IGF2R: variants seen among roughly 807,000 people sequenced by gnomAD.
IGF2R encodes the protein cation-independent mannose-6-phosphate receptor.
In IGF2R, 91 loss-of-function variants were observed where a neutral mutation model predicts 270.6. That is an observed-to-expected ratio of 0.34 (90% CI 0.28 to 0.40). IGF2R has a LOEUF of 0.40. Ranked by LOEUF, IGF2R falls within the 10% of genes least tolerant of loss-of-function variation. IGF2R has a pLI of 1.00. For synonymous variants in IGF2R, 1,316 were observed against 1,258.9 expected, an observed-to-expected ratio of 1.05 and a Z score of -0.96; for missense variants, 2,805 against 3,188.3, an observed-to-expected ratio of 0.88 and a Z score of 2.90.
intron 1 of IGF2R, among the ~76,000 whole-genome samples, chr6:159,970,875 G>A (rs1310266263): frequency 5.9e-5 from 9 of 152,064 alleles, no homozygotes; most frequent in Admixed American, 2.0e-4. Flanking sequence ...TCCAGGAGTT[G>A]GAGGCCAGCT....
In IGF2R at chr6:160,105,285, A is replaced by G. The variant is rs768448118; in HGVS notation, c.*201A>G. 10 of 561,740 alleles carry G rather than the reference A, an allele frequency of 1.8e-5. No homozygotes were observed. The highest frequency in any genetic ancestry group is 3.4e-5 in the Admixed American group (1 of 29,516). 34.8% of individuals were successfully genotyped at this position (561,740 alleles called of 1,614,324 possible). A position where few individuals can be genotyped will look rare whatever the true frequency, so the allele number is the denominator to read the frequency against. On this transcript the variant is annotated 3_prime_UTR_variant, in exon 48 of 48. Coordinates refer to ENST00000356956, the MANE Select transcript of IGF2R (RefSeq NM_000876.4). ...TTGTTTACAGTCATTGGAATAAGGCATGGCTCAGATCGGCCACAGGGCGGT... is the reference window on the plus strand; with the variant it reads ...TTGTTTACAGTCATTGGAATAAGGCGTGGCTCAGATCGGCCACAGGGCGGT...
chr6:160,070,001 A>G lies in IGF2R; in HGVS notation c.4386A>G (p.Pro1462=). The part of the protein sequence containing the change: ...VLKYVDGDLC[P]DGIRKKSTTI... ...AATACGTTGATGGCGACTTATGTCC[A>G]GATGGGATTCGGAAAAAGTCAACCA... The change falls in exon 31 of 48, where the codon CCA becomes CCG. Residue 1462 remains proline, a synonymous_variant. Transcript: ENST00000356956. 6.2e-7 allele frequency: 1 copy of G among 1,614,256 alleles called. No individual in the cohort carries two copies. Among genetic ancestry groups the G allele is most frequent in the Non-Finnish European group, 8.5e-7 (1 of 1,180,040 alleles).
rs570851896 is a variant in IGF2R at position 160,001,116 on chromosome 6, G to A, written c.290-7894G>A. Among the ~76,000 whole-genome samples, 308 of 152,266 alleles carry A rather than the reference G, an allele frequency of 2.0e-3. 2 individuals carry two copies. Among genetic ancestry groups the A allele is most frequent in the African/African-American group, 7.1e-3 (295 of 41,540 alleles). On this transcript the variant is annotated intron_variant, in intron 2 of 47. Coordinates refer to ENST00000356956, the MANE Select transcript of IGF2R (RefSeq NM_000876.4). The stretch of plus-strand genomic sequence containing the variant: ...ACTGGTAGCGGTTTGTAGCCTGTTA[G>A]GAGCTGGGCTGCACAGCAGGAGGTG...
At position 160,010,782 on chromosome 6, in the gene IGF2R, G is replaced by A. The variant is rs192321431; in HGVS notation, c.510G>A (p.Lys170=). Residue 170 remains lysine (K), a synonymous_variant, in exon 4 of 48, where the codon AAG becomes AAA. Transcript: ENST00000356956. ...ACKKDIFKAN[K]EVPCYVFDEE... The stretch of plus-strand genomic sequence containing the variant: ...AGAAAGACATATTTAAAGCAAATAA[G>A]GAGGTAACATGGGAACTTCAAATTA... 3.1e-5 allele frequency: 49 copies of A among 1,582,358 alleles called. No homozygotes were observed. In the East Asian group the frequency reaches 1.1e-3, roughly 35 times the overall value.
chr6:159,999,130 G>A (rs1784092238), intron 2 of IGF2R, among the ~76,000 whole-genome samples: 1 of 152,192 alleles, frequency 6.6e-6, no homozygotes, highest in Non-Finnish European at 1.5e-5. Context: ...AAGAAGTCAC[G>A]AGATGGGATG....
intron 35 of IGF2R, among the ~76,000 whole-genome samples, chr6:160,074,498 G>T (rs1184496138): frequency 6.6e-6 from 1 of 152,202 alleles, no homozygotes; most frequent in African/African-American, 2.4e-5. Flanking sequence ...ACCCAGCCAG[G>T]CTGGCCTCAG....
At chr6:160,064,356 T>C (rs1483501365) in intron 27 of IGF2R, 45 bp from the exon 28 acceptor site, 2 of 1,613,590 alleles carry the variant, frequency 1.2e-6, no homozygotes, top group South Asian at 2.2e-5. Flanking sequence ...TTTGACAGCC[T>C]AGGGACCCGA....
chr6:160,110,459 G>A lies in IGF2R; in HGVS notation c.*5375G>A, dbSNP rs542491536. 2.6e-5 allele frequency: 4 copies of A among 152,344 alleles called. No homozygotes were observed. The highest frequency in any genetic ancestry group is 2.1e-4 in the South Asian group (1 of 4,830). The allele number at this position is 152,344 out of a possible 1,614,324, so 9.4% of individuals were successfully genotyped here. ...TGTGGGTGAGGATGTGGAGAAAAGC[G>A]AACACTTGTCCACCTTTGGTGAGAA... On this transcript the variant is annotated 3_prime_UTR_variant, in exon 48 of 48. Transcript: ENST00000356956.
chr6:160,053,096 C>T (rs562451711), intron 19 of IGF2R, among the ~76,000 whole-genome samples: 5 of 152,296 alleles, frequency 3.3e-5, no homozygotes, highest in Non-Finnish European at 7.3e-5. Flanking sequence ...TCTAATTAAA[C>T]TAAAGACCTT....
At chr6:160,044,384 T>C (rs915039297) in intron 12 of IGF2R, 130 bp from the exon 13 acceptor site, 9 of 830,970 alleles carry the variant, frequency 1.1e-5, no homozygotes, top group African/African-American at 1.0e-4. Context: ...GGAGAAGGGC[T>C]GCACGTGCTG....
rs1278981556 is a variant in IGF2R, at chr6:160,060,545, A to T, written c.3092-2A>T. On this transcript the variant is annotated splice_acceptor_variant, in intron 22 of 47. Transcript: ENST00000356956. LOFTEE classifies it high-confidence loss of function. ...TAAAATCTGGGCCTTCTTGCTTTACAGGTACCGCTGATGCTTTTATCGTCC... is the reference window on the plus strand; with the variant it reads ...TAAAATCTGGGCCTTCTTGCTTTACTGGTACCGCTGATGCTTTTATCGTCC... 1 of 1,614,020 alleles carries T rather than the reference A, an allele frequency of 6.2e-7. No individual in the cohort carries two copies. Among genetic ancestry groups the T allele is most frequent in the Admixed American group, 1.7e-5 (1 of 60,000 alleles).
chr6:160,065,127 G>T (rs1289031367), intron 29 of IGF2R, among the ~76,000 whole-genome samples: 4 of 152,214 alleles, frequency 2.6e-5, no homozygotes, highest in Admixed American at 1.3e-4. Flanking sequence ...CTGAAGCAGA[G>T]AGTGGACCCC....
chr6:160,015,412 T>TG (rs1365150889), intron 4 of IGF2R, among the ~76,000 whole-genome samples: 7 of 152,112 alleles, frequency 4.6e-5, no homozygotes, highest in South Asian at 2.1e-4. Context: ...TTTTTTACTC[T>TG]GGGGGGGATT....
At chr6:159,984,519 A>G (rs1027972291) in intron 1 of IGF2R, among the ~76,000 whole-genome samples, 6 of 152,128 alleles carry the variant, frequency 3.9e-5, no homozygotes, top group Admixed American at 2.6e-4. Context: ...TTTATACCAT[A>G]TCTTTGCTGC....
intron 19 of IGF2R, among the ~76,000 whole-genome samples, chr6:160,051,602 A>ATAGCTCAGGCCTG (rs887840819): frequency 4.6e-5 from 7 of 152,150 alleles, no homozygotes; most frequent in African/African-American, 1.7e-4. Context: ...GAGGCTTGGT[A>ATAGCTCAGGCCTG]TAGCTCAGGC....
At chr6:160,033,229 C>T in intron 9 of IGF2R, 122 bp downstream of exon 9, 1 of 646,292 alleles carries the variant, frequency 1.5e-6, no homozygotes, top group Non-Finnish European at 2.6e-6. Context: ...CTTGACTTCC[C>T]TGCCTCAAGT....
rs1417821309 is a variant in IGF2R, at chr6:160,032,730, T to G, written c.1045+17T>G. The G allele has an allele frequency of 6.2e-7, 1 of 1,612,342 alleles. No homozygotes were observed. ...AGAGCGGAGGTAAGCAGGTGCTTTC[T>G]GCCTCCTGGCGCTGCTTAGGAAGAA... On this transcript the variant is annotated intron_variant, in intron 8 of 47. Transcript: ENST00000356956.
At chr6:160,087,391 A>G (rs943808296) in intron 41 of IGF2R, among the ~76,000 whole-genome samples, 2 of 152,200 alleles carry the variant, frequency 1.3e-5, no homozygotes, top group Admixed American at 1.3e-4. Context: ...CTTTCTATAC[A>G]TGCCCGAAAC....
At chr6:160,008,408 T>C (rs1784280337) in intron 2 of IGF2R, among the ~76,000 whole-genome samples, 1 of 152,196 alleles carries the variant, frequency 6.6e-6, no homozygotes, top group South Asian at 2.1e-4. Flanking sequence ...ATTCTAGTCT[T>C]TTGATCAGTT....
Sources: allele counts gnomAD v4.1 joint callset (sites outside exome capture counted in the v4.1 genomes callset), GRCh38; gene constraint gnomAD v4.1.1; transcripts MANE v1.5; gene names NCBI Gene and HGNC (gene_info 2026-07-23, HGNC 2026-07-21).